The following ZDHHC5 variants were observed in gnomAD, a reference collection of about 807,000 sequenced individuals.
ZDHHC5 encodes zDHHC palmitoyltransferase 5, also known as palmitoyltransferase ZDHHC5.
Under a neutral mutation model 70.0 loss-of-function variants are expected in ZDHHC5, and 22 were observed. That is an observed-to-expected ratio of 0.31 (90% CI 0.22 to 0.45). The LOEUF is 0.45. ZDHHC5 is among the 20% of genes least tolerant of loss of function. The pLI, the probability that ZDHHC5 is intolerant of heterozygous loss-of-function variation, is 1.00. For missense variants in ZDHHC5, 746 were observed against 926.9 expected (o/e 0.80, Z 2.53); for synonymous variants, 313 against 347.8 (o/e 0.90, Z 1.11).
At chr11:57,679,263 G>A (rs1265001215) in intron 2 of ZDHHC5, among the ~76,000 whole-genome samples, 5 of 152,180 alleles carry the variant, frequency 3.3e-5, no homozygotes, top group Non-Finnish European at 5.9e-5. Flanking sequence ...CCGGGTTCAA[G>A]TGATTCTCTT....
chr11:57,696,064 CA>C (rs1243395167), intron 9 of ZDHHC5, 21 bp downstream of exon 9: 3 of 1,602,694 alleles, frequency 1.9e-6, no homozygotes, highest in Non-Finnish European at 2.6e-6. Flanking sequence ...CCTTGATTTG[CA>C]AGATACTAGA....
rs111759373 is a variant in ZDHHC5, at chr11:57,693,796, C to A, written c.766C>A (p.Pro256Thr). The A allele has an allele frequency of 1.3e-6, 2 of 1,568,914 alleles. No homozygotes were observed. The highest frequency in any genetic ancestry group is 8.6e-7 in the Non-Finnish European group (1 of 1,157,394). Residue 256 changes from proline to threonine, a missense_variant, in exon 8 of 12, where the codon CCA becomes ACA. This residue lies in a region of ZDHHC5 where 114 missense variants were observed against 179.3 expected (regional missense o/e 0.64). Transcript: ENST00000287169. ...SSPAPRYLGR[P>T]KKEKTIVIRP... Reference sequence around the variant, plus strand: ...CTCGACACTTAGGTATTTGGGGAGACCAAAGAAAGAGAAGACAATTGTAAT... The same window carrying A: ...CTCGACACTTAGGTATTTGGGGAGAACAAAGAAAGAGAAGACAATTGTAAT...
chr11:57,694,212 G>A (rs1023736742), intron 8 of ZDHHC5, among the ~76,000 whole-genome samples: 2 of 151,810 alleles, frequency 1.3e-5, no homozygotes, highest in African/African-American at 4.8e-5. Context: ...GGCTGGTCTC[G>A]AACTTCTGAC....
chr11:57,686,154 C>T (rs959278937), intron 3 of ZDHHC5, among the ~76,000 whole-genome samples: 4 of 151,934 alleles, frequency 2.6e-5, no homozygotes, highest in African/African-American at 7.3e-5. Context: ...TGCCCACCTG[C>T]GGTTCCAGCT....
At chr11:57,693,667 A>G in intron 7 of ZDHHC5, 116 bp from the exon 8 acceptor site, 4 of 1,410,432 alleles carry the variant, frequency 2.8e-6, no homozygotes, top group Non-Finnish European at 3.7e-6. Flanking sequence ...CCAAAACTGC[A>G]ATTACTTTTT....
At chr11:57,680,183 G>C (rs1946131334) in intron 2 of ZDHHC5, among the ~76,000 whole-genome samples, 2 of 152,120 alleles carry the variant, frequency 1.3e-5, no homozygotes, top group African/African-American at 4.8e-5. Flanking sequence ...CTCAAGAGTT[G>C]AGTCCAGCCT....
At chr11:57,675,686 T>C (rs545498298) in intron 2 of ZDHHC5, among the ~76,000 whole-genome samples, 1 of 152,356 alleles carries the variant, frequency 6.6e-6, no homozygotes, top group African/African-American at 2.4e-5. Context: ...ACAAACACAC[T>C]GTTTATCTTA....
chr11:57,698,169 G>A (rs1024224279), intron 10 of ZDHHC5, among the ~76,000 whole-genome samples: 3 of 145,296 alleles, frequency 2.1e-5, no homozygotes, highest in Non-Finnish European at 3.0e-5. Context: ...CAACTGTTAC[G>A]GGAAAAAAAG....
At chr11:57,669,381 T>G (rs780482761) in intron 1 of ZDHHC5, among the ~76,000 whole-genome samples, 1 of 152,238 alleles carries the variant, frequency 6.6e-6, no homozygotes, top group Non-Finnish European at 1.5e-5. Flanking sequence ...AAACCACATA[T>G]CCTGTATTGT....
chr11:57,669,555 C>G (rs919091184), intron 1 of ZDHHC5, among the ~76,000 whole-genome samples: 1 of 152,186 alleles, frequency 6.6e-6, no homozygotes, highest in Non-Finnish European at 1.5e-5. Context: ...CTCCCGGGTT[C>G]AAGCGATTCT....
At position 57,698,626 on chromosome 11, in the gene ZDHHC5, G is replaced by C; in HGVS notation, c.1190G>C (p.Arg397Pro). The change falls in exon 11 of 12, where the codon CGC (arginine) becomes CCC (proline). Residue 397 changes from arginine (R) to proline (P), a missense_variant. By Grantham distance (103) the Arg-to-Pro change is moderately radical (BLOSUM62 -2). Transcript: ENST00000287169. ...GAGAGCAGCCGTCACCCCAGCTACC[G>C]CTCAGAGCCCAGCTTGGAACCAGAG... ...IAESSRHPSY[R>P]SEPSLEPESF... 1 of 1,614,036 alleles carries C rather than the reference G, an allele frequency of 6.2e-7. No individual in the cohort carries two copies. The highest frequency in any genetic ancestry group is 1.1e-5 in the South Asian group (1 of 91,072).
intron 2 of ZDHHC5, among the ~76,000 whole-genome samples, chr11:57,677,751 C>T (rs1238621971): frequency 2.0e-5 from 3 of 152,156 alleles, no homozygotes; most frequent in African/African-American, 7.2e-5. Context: ...ATGGAGTTCT[C>T]TCTGGTCCCC....
intron 4 of ZDHHC5, 108 bp from the exon 5 acceptor site, chr11:57,689,923 A>G: frequency 2.3e-6 from 3 of 1,321,638 alleles, no homozygotes; most frequent in Non-Finnish European, 3.2e-6. Flanking sequence ...TTTTGAACTA[A>G]TTGGTGACCA....
In ZDHHC5 at chr11:57,693,765, C is replaced by T. The variant is rs770438165; in HGVS notation, c.753-18C>T. The stretch of plus-strand genomic sequence containing the variant: ...GCTCTCTCGCTGTGTCTCTCTCTCT[C>T]TCTCTCTCGACACTTAGGTATTTGG... On this transcript the variant is annotated intron_variant, in intron 7 of 11. Coordinates refer to ENST00000287169, the MANE Select transcript of ZDHHC5 (RefSeq NM_015457.3). 3.9e-6 allele frequency: 6 copies of T among 1,544,626 alleles called. No individual in the cohort carries two copies. The highest frequency in any genetic ancestry group is 5.2e-6 in the Non-Finnish European group (6 of 1,145,428).
intron 3 of ZDHHC5, 37 bp from the exon 4 acceptor site, chr11:57,688,471 G>A: frequency 1.3e-6 from 2 of 1,511,816 alleles, no homozygotes; most frequent in Non-Finnish European, 1.8e-6. Flanking sequence ...CTACAGTTCT[G>A]GCATAGTTGT....
chr11:57,677,601 A>G (rs1946088754), intron 2 of ZDHHC5, among the ~76,000 whole-genome samples: 1 of 152,096 alleles, frequency 6.6e-6, no homozygotes, highest in Admixed American at 6.5e-5. Context: ...CACGTGATCT[A>G]AGGGAAGGAT....
At chr11:57,671,571 C>A (rs1227932636) in intron 1 of ZDHHC5, among the ~76,000 whole-genome samples, 1 of 152,250 alleles carries the variant, frequency 6.6e-6, no homozygotes, top group African/African-American at 2.4e-5. Context: ...AAGAAACACA[C>A]AGAGAAAGAA....
chr11:57,698,600 A>G lies in ZDHHC5; in HGVS notation c.1164A>G (p.Ala388=). ...GCTTGAAGGAGCCAACCTCAATTGC[A>G]GAGAGCAGCCGTCACCCCAGCTACC... ...GDSLKEPTSI[A]ESSRHPSYRS... The change falls in exon 11 of 12, where the codon GCA becomes GCG. Residue 388 remains alanine, a synonymous_variant. Transcript: ENST00000287169. 1 of 1,612,990 alleles carries G rather than the reference A, an allele frequency of 6.2e-7. No individual in the cohort carries two copies. Among genetic ancestry groups the G allele is most frequent in the Non-Finnish European group, 8.5e-7 (1 of 1,179,406 alleles).
chr11:57,696,609 T>C (rs754093933), intron 9 of ZDHHC5, 152 bp from the exon 10 acceptor site: 19 of 651,302 alleles, frequency 2.9e-5, no homozygotes, highest in Non-Finnish European at 4.8e-5. Context: ...TCCCAGCTAC[T>C]CAGGAGGCTG....
Sources: gnomAD v4.1 joint callset for allele counts (sites outside exome capture counted in the v4.1 genomes callset) on GRCh38, gnomAD v4.1.1 for gene constraint, gnomAD v4.1.1 regional missense constraint, MANE v1.5 for transcripts, NCBI Gene and HGNC (gene_info 2026-07-23, HGNC 2026-07-21) for gene names.